The following MCF2 variants were observed in gnomAD, a reference collection of about 807,000 sequenced individuals.
MCF2 encodes MCF.2 cell line derived transforming sequence, also known as proto-oncogene DBL.
A neutral mutation model predicts 82.5 loss-of-function variants in MCF2; 44 were observed. That is an observed-to-expected ratio of 0.53 (90% CI 0.42 to 0.69). MCF2 has a LOEUF of 0.69. MCF2 is among the 30% of genes least tolerant of loss of function. The probability of loss-of-function intolerance (pLI) is 0.00; values close to 1 mark genes in which losing one functional copy is unlikely to be tolerated. For synonymous variants in MCF2, 217 were observed against 224.9 expected (o/e 0.96, Z 0.32); for missense variants, 623 against 663.1 (o/e 0.94, Z 0.66).
intron 1 of MCF2, among the ~76,000 whole-genome samples, chrX:139,688,231 T>C (rs1344652064): frequency 1.8e-5 from 2 of 111,631 alleles, no homozygotes; most frequent in South Asian, 3.8e-4. Flanking sequence ...ATACAGCACA[T>C]TGAAAGAACT....
intron 1 of MCF2, among the ~76,000 whole-genome samples, chrX:139,669,063 T>C (rs1934606380): frequency 8.9e-6 from 1 of 111,805 alleles, no homozygotes; most frequent in African/African-American, 3.2e-5. Context: ...AATTAAAACT[T>C]TGTGCTTCAA....
intron 6 of MCF2, among the ~76,000 whole-genome samples, chrX:139,625,216 C>T (rs1452694046): frequency 9.0e-6 from 1 of 110,756 alleles, no homozygotes; most frequent in Non-Finnish European, 1.9e-5. Context: ...AGAACATAAC[C>T]ACAGGACAAG....
At chrX:139,708,132 G>A (rs1935626300) in exon 1 of MCF2, 1 of 111,805 alleles carries the variant, frequency 8.9e-6, no homozygotes, top group African/African-American at 3.3e-5. Context: ...TAAGACTGTC[G>A]CAGCTCATTC....
At chrX:139,673,308 T>C (rs1439464784) in intron 1 of MCF2, among the ~76,000 whole-genome samples, 1 of 111,876 alleles carries the variant, frequency 8.9e-6, no homozygotes, top group East Asian at 2.8e-4. Context: ...TTTGCATCTC[T>C]ATCTCCTTCA....
intron 1 of MCF2, among the ~76,000 whole-genome samples, chrX:139,664,448 T>C (rs759761484): frequency 1.2e-4 from 14 of 112,588 alleles, no homozygotes; most frequent in African/African-American, 4.2e-4. Flanking sequence ...AGTCTATGTG[T>C]TTCTTTACTG....
chrX:139,706,509 T>C (rs1409500052), intron 1 of MCF2, among the ~76,000 whole-genome samples: 1 of 110,957 alleles, frequency 9.0e-6, no homozygotes, highest in African/African-American at 3.3e-5. Flanking sequence ...GAGCTAAGCA[T>C]TGAGCACACA....
intron 1 of MCF2, among the ~76,000 whole-genome samples, chrX:139,689,839 T>C (rs1011844007): frequency 9.0e-6 from 1 of 110,827 alleles, no homozygotes; most frequent in Non-Finnish European, 1.9e-5. Flanking sequence ...CCAGGGAAGA[T>C]TCTGCACACA....
chrX:139,605,864 T>G, intron 12 of MCF2, 85 bp from the exon 17 acceptor site: 1 of 684,003 alleles, frequency 1.5e-6, no homozygotes, highest in Non-Finnish European at 2.2e-6. Flanking sequence ...CATGAGAAGG[T>G]AAAAATAGCT....
intron 12 of MCF2, among the ~76,000 whole-genome samples, chrX:139,606,214 CT>C (rs1454567666): frequency 4.6e-5 from 5 of 108,945 alleles, no homozygotes; most frequent in African/African-American, 1.3e-4. Flanking sequence ...CTTTAATACC[CT>C]TTTTTTCCCT....
rs1007619859 is a variant in MCF2 at position 139,584,411 on chromosome X, T to C, written c.2745+655A>G. Reference sequence around the variant, plus strand: ...CCAAGGAGCACTCTACCTCCAAGCATCACTCCTACCTTCCAAGCTGGTGAC... The same window carrying C: ...CCAAGGAGCACTCTACCTCCAAGCACCACTCCTACCTTCCAAGCTGGTGAC... On this transcript the variant is annotated intron_variant, in intron 24 of 24. Transcript: ENST00000370576. Among the ~76,000 whole-genome samples, 4 of 111,418 alleles carry C rather than the reference T, an allele frequency of 3.6e-5. No homozygotes were observed. The East Asian group carries it at 1.1e-3, about 32-fold the overall frequency.
At chrX:139,642,600 T>C (rs989026155) in exon 1 of MCF2, 204 of 1,204,976 alleles carry the variant, frequency 1.7e-4, no homozygotes, top group Non-Finnish European at 2.2e-4. Flanking sequence ...TGGGTAGTAT[T>C]TAAAAACGGC....
intron 1 of MCF2, among the ~76,000 whole-genome samples, chrX:139,656,420 T>C (rs969915318): frequency 6.2e-5 from 7 of 112,522 alleles, no homozygotes; most frequent in African/African-American, 2.3e-4. Context: ...GTAAAATCCA[T>C]AGATGTAAAA....
chrX:139,671,871 G>A (rs1934707272), intron 1 of MCF2, among the ~76,000 whole-genome samples: 1 of 111,758 alleles, frequency 8.9e-6, no homozygotes, highest in Non-Finnish European at 1.9e-5. Context: ...GTAGCTTGAT[G>A]GGGATGGCAT....
At chrX:139,688,015 G>A (rs1011917637) in intron 1 of MCF2, among the ~76,000 whole-genome samples, 1 of 111,449 alleles carries the variant, frequency 9.0e-6, no homozygotes, top group African/African-American at 3.3e-5. Flanking sequence ...TGGAGGAGGG[G>A]GCATGGAGGA....
At chrX:139,687,130 G>A (rs1935145202) in intron 1 of MCF2, among the ~76,000 whole-genome samples, 1 of 111,213 alleles carries the variant, frequency 9.0e-6, no homozygotes. Context: ...CTTGTTCCTT[G>A]AACTTGTCAG....
chrX:139,643,252 C>T (rs1024123337), upstream of MCF2, among the ~76,000 whole-genome samples: 2 of 111,649 alleles, frequency 1.8e-5, no homozygotes, highest in African/African-American at 6.5e-5. Flanking sequence ...TTGAAATCTA[C>T]AAATAAAGGT....
chrX:139,612,780 T>C (rs1402035510), intron 10 of MCF2, among the ~76,000 whole-genome samples: 2 of 111,771 alleles, frequency 1.8e-5, no homozygotes, highest in Non-Finnish European at 3.8e-5. Flanking sequence ...GCATGATGTA[T>C]AATAGATAAA....
intron 1 of MCF2, among the ~76,000 whole-genome samples, chrX:139,671,251 C>T (rs1446391623): frequency 8.9e-6 from 1 of 111,863 alleles, no homozygotes; most frequent in Non-Finnish European, 1.9e-5. Flanking sequence ...AATTTTCTCC[C>T]ATTCTGTAGG....
chrX:139,651,660 A>G, intron 2 of MCF2, 60 bp downstream of exon 2: 1 of 717,132 alleles, frequency 1.4e-6, no homozygotes, highest in Non-Finnish European at 2.1e-6. Context: ...AATAGGTACC[A>G]AACTAACTGC....
Sources: allele counts gnomAD v4.1 joint callset (sites outside exome capture counted in the v4.1 genomes callset), GRCh38; gene constraint gnomAD v4.1.1; transcripts MANE v1.5; gene names NCBI Gene and HGNC (gene_info 2026-07-23, HGNC 2026-07-21).